Variants in SLIT3 observed in about 807,000 individuals in gnomAD.
The protein encoded by SLIT3 is slit homolog 3 protein.
Under a neutral mutation model 184.0 loss-of-function variants are expected in SLIT3, and 68 were observed. The ratio of observed to expected loss-of-function variants is 0.37; its 90% CI spans 0.30 to 0.45. The LOEUF (loss-of-function observed/expected upper bound fraction) is 0.45, where lower values mean the gene tolerates loss of function less well. Ranked by LOEUF, SLIT3 falls within the 20% of genes least tolerant of loss-of-function variation. The pLI is 1.00. For synonymous variants in SLIT3, 831 were observed against 828.6 expected, an observed-to-expected ratio of 1.00 and a Z score of -0.05; for missense variants, 1,707 against 2,026.0, an observed-to-expected ratio of 0.84 and a Z score of 3.02.
chr5:168,745,612 A>G lies in SLIT3; in HGVS notation c.2270+2690T>C, dbSNP rs560284301. The stretch of plus-strand genomic sequence containing the variant: ...TTTTCAGTAGAGATGGGGTTTCACC[A>G]TGTTGGCCAGGCTGGTCTTGAACTT... On this transcript the variant is annotated intron_variant, in intron 20 of 35. Coordinates refer to ENST00000519560, the MANE Select transcript of SLIT3 (RefSeq NM_003062.4). 2.6e-5 allele frequency among the ~76,000 whole-genome samples: 4 copies of G among 152,308 alleles called. No homozygotes were observed. The South Asian group carries it at 8.3e-4, about 32-fold the overall frequency.
chr5:169,141,567 G>GTTT (rs1761741818), intron 4 of SLIT3, among the ~76,000 whole-genome samples: 1 of 150,548 alleles, frequency 6.6e-6, no homozygotes, highest in Non-Finnish European at 1.5e-5. Flanking sequence ...GTGAAACCCT[G>GTTT]TGTCTACTAA....
In SLIT3 at chr5:168,760,859, T is replaced by C. The variant is rs374842450; in HGVS notation, c.1685+3A>G. On this transcript the variant is annotated splice_donor_region_variant and intron_variant, in intron 16 of 35. Coordinates refer to ENST00000519560, the MANE Select transcript of SLIT3 (RefSeq NM_003062.4). ...TGCTGCCAAGTTCCTGAAGTTGACT[T>C]ACATTTTCCGCAGGTTGGGCAACTT... is the stretch of plus-strand genomic sequence containing the variant. The C allele has an allele frequency of 6.2e-7, 1 of 1,611,356 alleles. No individual in the cohort carries two copies. Among genetic ancestry groups the C allele is most frequent in the Non-Finnish European group, 8.5e-7 (1 of 1,177,512 alleles).
intron 4 of SLIT3, among the ~76,000 whole-genome samples, chr5:168,890,353 G>C (rs1365022747): frequency 6.6e-6 from 1 of 152,192 alleles, no homozygotes; most frequent in Non-Finnish European, 1.5e-5. Context: ...CACAGGGAAT[G>C]CAGGCTTGTT....
rs1477164454 is a variant in SLIT3, at chr5:168,774,386, C to G, written c.1152-8G>C. 1 of 1,607,596 alleles carries G rather than the reference C, an allele frequency of 6.2e-7. No individual in the cohort carries two copies. The highest frequency in any genetic ancestry group is 1.1e-5 in the South Asian group (1 of 89,664). On this transcript the variant is annotated splice_region_variant and splice_polypyrimidine_tract_variant and intron_variant, in intron 12 of 35. Transcript: ENST00000519560. ...TTGTTGGCATTGAGGAGGCTGCAAACAGAAGAGAGCCTGGTTGATTCACTA... is the reference window on the plus strand; with the variant it reads ...TTGTTGGCATTGAGGAGGCTGCAAAGAGAAGAGAGCCTGGTTGATTCACTA...
intron 4 of SLIT3, among the ~76,000 whole-genome samples, chr5:169,090,849 T>C (rs907927206): frequency 6.6e-6 from 1 of 152,224 alleles, no homozygotes; most frequent in Non-Finnish European, 1.5e-5. Context: ...GACAGCCCTG[T>C]TCACATCTTG....
Position 168,669,954 on chromosome 5 carries a change from A to G in SLIT3, c.4165T>C (p.Tyr1389His), listed in dbSNP as rs1462312638. 1 of 1,614,066 alleles carries G rather than the reference A, an allele frequency of 6.2e-7. No homozygotes were observed. Among genetic ancestry groups the G allele is most frequent in the African/African-American group, 1.3e-5 (1 of 74,918 alleles). Residue 1389 changes from tyrosine to histidine, a missense_variant, in exon 35 of 36, where the codon TAC becomes CAC. Physicochemically the swap from Tyr to His is moderately conservative, Grantham distance 83. Coordinates refer to ENST00000519560, the MANE Select transcript of SLIT3 (RefSeq NM_003062.4). ...TAGCCCTCGGCACACTTGCACATGTATGAGGTCCCAGTTGCCACACATTTT... is the reference window on the plus strand; with the variant it reads ...TAGCCCTCGGCACACTTGCACATGTGTGAGGTCCCAGTTGCCACACATTTT... ...HGKCVATGTS[Y>H]MCKCAEGYGG...
At chr5:168,704,892 G>T (rs1762331088) in intron 26 of SLIT3, among the ~76,000 whole-genome samples, 2 of 152,094 alleles carry the variant, frequency 1.3e-5, no homozygotes, top group Non-Finnish European at 2.9e-5. Flanking sequence ...GCTCTGTTTG[G>T]GCGGGCTCTA....
Position 169,118,287 on chromosome 5 carries a change from T to C in SLIT3, c.413+75192A>G, listed in dbSNP as rs538677833. On this transcript the variant is annotated intron_variant, in intron 4 of 35. Transcript: ENST00000519560. ...TGTATTAGGATTTTTATTAGATATG[T>C]TGTATGTTGCATTCTGTGGAGTCAT... Among the ~76,000 whole-genome samples the C allele has an allele frequency of 1.3e-5, 2 of 152,320 alleles. 1 individual carries two copies. The highest frequency in any genetic ancestry group is 4.1e-4 in the South Asian group (2 of 4,820).
intron 4 of SLIT3, among the ~76,000 whole-genome samples, chr5:169,097,227 G>GT (rs1383783716): frequency 6.6e-6 from 1 of 152,158 alleles, no homozygotes; most frequent in Non-Finnish European, 1.5e-5. Context: ...GGGCCAAGAA[G>GT]TTGTAACTTA....
chr5:169,147,436 T>C (rs1051727904), intron 4 of SLIT3, among the ~76,000 whole-genome samples: 1 of 152,130 alleles, frequency 6.6e-6, no homozygotes, highest in Non-Finnish European at 1.5e-5. Flanking sequence ...GCTTGGCTAA[T>C]TTTTACTACA....
At chr5:168,806,336 T>C (rs1756955379) in intron 9 of SLIT3, 110 bp downstream of exon 9, 4 of 1,182,546 alleles carry the variant, frequency 3.4e-6, no homozygotes, top group Non-Finnish European at 2.5e-6. Context: ...GTGTTTTTAA[T>C]GGTCAGCTCC....
intron 4 of SLIT3, among the ~76,000 whole-genome samples, chr5:169,187,648 G>A (rs972091996): frequency 3.4e-5 from 5 of 149,072 alleles, no homozygotes; most frequent in Non-Finnish European, 4.4e-5. Flanking sequence ...TCCACCTCCT[G>A]GGATCAGTGA....
intron 1 of SLIT3, among the ~76,000 whole-genome samples, chr5:169,287,992 A>C (rs543870274): frequency 6.6e-6 from 1 of 152,114 alleles, no homozygotes; most frequent in African/African-American, 2.4e-5. Context: ...CCAAAGTACA[A>C]ATTTTATTCC....
At chr5:169,202,077 C>T (rs1267262229) in intron 3 of SLIT3, among the ~76,000 whole-genome samples, 1 of 151,952 alleles carries the variant, frequency 6.6e-6, no homozygotes, top group East Asian at 1.9e-4. Context: ...ACAAAAAATC[C>T]AAAGAATTAG....
At chr5:168,695,054 A>C (rs1762013704) in intron 28 of SLIT3, among the ~76,000 whole-genome samples, 2 of 152,084 alleles carry the variant, frequency 1.3e-5, no homozygotes, top group African/African-American at 4.8e-5. Flanking sequence ...GTACTTGGGG[A>C]TACTGTCTAT....
intron 4 of SLIT3, among the ~76,000 whole-genome samples, chr5:168,906,308 G>A (rs551947713): frequency 3.3e-5 from 5 of 152,326 alleles, no homozygotes; most frequent in South Asian, 4.1e-4. Flanking sequence ...TGTCTCTAGC[G>A]ATAAAGGAAC....
chr5:168,779,406 CAG>C (rs1755889271), intron 12 of SLIT3, among the ~76,000 whole-genome samples: 1 of 152,168 alleles, frequency 6.6e-6, no homozygotes, highest in South Asian at 2.1e-4. Flanking sequence ...ATGCTCCCAT[CAG>C]AGGAAATTAA....
rs1474912568 is a variant in SLIT3, at chr5:168,723,087, CCATCCACCCACT to C, written c.2340-95_2340-84del. ...CATTCCCAAGTATCACACATACCTGCCATCCACCCACTCATCTACCCATCCACCCATCCACCC... is the reference window on the plus strand; with the variant it reads ...CATTCCCAAGTATCACACATACCTGCCATCTACCCATCCACCCATCCACCC... On this transcript the variant is annotated intron_variant, in intron 21 of 35. Transcript: ENST00000519560. 37 of 912,486 alleles carry C rather than the reference CCATCCACCCACT, an allele frequency of 4.1e-5. No individual in the cohort carries two copies. The South Asian group carries it at 4.5e-4, about 11-fold the overall frequency. The allele number at this position is 912,486 out of a possible 1,614,324, so 56.5% of individuals were successfully genotyped here.
chr5:168,757,727 G>GCCCAA (rs1755002270), intron 16 of SLIT3, among the ~76,000 whole-genome samples: 3 of 152,178 alleles, frequency 2.0e-5, no homozygotes, highest in Non-Finnish European at 4.4e-5. Flanking sequence ...GAGCCACCGT[G>GCCCAA]CCCAACCCAA....
Sources: allele counts gnomAD v4.1 joint callset (sites outside exome capture counted in the v4.1 genomes callset), GRCh38; gene constraint gnomAD v4.1.1; transcripts MANE v1.5; gene names NCBI Gene and HGNC (gene_info 2026-07-23, HGNC 2026-07-21).